LRRC28: variants seen among roughly 807,000 people sequenced by gnomAD.
LRRC28 encodes the protein leucine rich repeat containing 28.
LRRC28 carries 39 observed loss-of-function variants against 45.7 expected under a neutral mutation model. That is an observed-to-expected ratio of 0.85 (90% CI 0.66 to 1.12). LRRC28 has a LOEUF of 1.12. Ranked by LOEUF, LRRC28 falls within the 50% of genes most tolerant of loss-of-function variation. LRRC28 has a pLI of 0.00. For missense variants in LRRC28, 435 were observed against 438.5 expected (o/e 0.99, Z 0.07); for synonymous variants, 206 against 178.8 (o/e 1.15, Z -1.22).
chr15:99,294,574 G>C (rs2082214869), intron 5 of LRRC28, among the ~76,000 whole-genome samples: 8 of 152,182 alleles, frequency 5.3e-5, no homozygotes, highest in Admixed American at 5.2e-4. Context: ...GGTGCCAGCA[G>C]ATCTGGTGAG....
At chr15:99,263,834 T>TG (rs1281061060) in intron 2 of LRRC28, among the ~76,000 whole-genome samples, 1 of 152,066 alleles carries the variant, frequency 6.6e-6, no homozygotes, top group Admixed American at 6.5e-5. Flanking sequence ...TTCAAGACAC[T>TG]GACAATAGAT....
At chr15:99,313,878 A>G (rs1303563568) in intron 5 of LRRC28, among the ~76,000 whole-genome samples, 1 of 152,080 alleles carries the variant, frequency 6.6e-6, no homozygotes, top group East Asian at 1.9e-4. Context: ...CTGTTTTGAT[A>G]AACTGCTATT....
At chr15:99,264,312 A>G (rs532241054) in intron 2 of LRRC28, among the ~76,000 whole-genome samples, 1 of 152,362 alleles carries the variant, frequency 6.6e-6, no homozygotes, top group Admixed American at 6.5e-5. Flanking sequence ...CTATTTCTAC[A>G]TAAGGAAAGG....
chr15:99,350,098 T>TGCAGTCC (rs1487692215), intron 6 of LRRC28, among the ~76,000 whole-genome samples: 2 of 143,728 alleles, frequency 1.4e-5, no homozygotes, highest in African/African-American at 2.6e-5. Context: ...ATTGCGCCAC[T>TGCAGTCC]GCAGTCCGCA....
In LRRC28 at chr15:99,380,712, C is replaced by T. The variant is rs565431480; in HGVS notation, c.1032-5318C>T. 2.6e-5 allele frequency among the ~76,000 whole-genome samples: 4 copies of T among 152,248 alleles called. No homozygotes were observed. In the East Asian group the frequency reaches 7.7e-4, roughly 29 times the overall value. On this transcript the variant is annotated intron_variant, in intron 9 of 9. Coordinates refer to ENST00000301981, the MANE Select transcript of LRRC28 (RefSeq NM_144598.5). ...ATGTTTAGTGCTTCCTTCAGGAGCT[C>T]TTGTAGGGCAGGCCTGGTGGTGACA...
intron 2 of LRRC28, among the ~76,000 whole-genome samples, chr15:99,268,003 TAAG>T (rs1255480530): frequency 2.0e-5 from 3 of 152,204 alleles, no homozygotes; most frequent in African/African-American, 7.2e-5. Context: ...TTGAGGAAAC[TAAG>T]AAGAGGATAA....
intron 7 of LRRC28, among the ~76,000 whole-genome samples, chr15:99,355,017 CAGAG>C (rs1402483220): frequency 6.6e-6 from 1 of 152,154 alleles, no homozygotes; most frequent in African/African-American, 2.4e-5. Context: ...ATTCACATCT[CAGAG>C]GGAGAATAGA....
intron 5 of LRRC28, among the ~76,000 whole-genome samples, chr15:99,299,963 A>C (rs1468984810): frequency 6.6e-6 from 1 of 152,166 alleles, no homozygotes; most frequent in East Asian, 1.9e-4. Context: ...TGTCTGATCT[A>C]CTTCTTAGCT....
At chr15:99,280,385 A>G (rs2152187457) in intron 3 of LRRC28, among the ~76,000 whole-genome samples, 1 of 151,854 alleles carries the variant, frequency 6.6e-6, no homozygotes, top group Admixed American at 6.6e-5. Context: ...TAGGTCCCAA[A>G]GACTCTCTCC....
intron 5 of LRRC28, among the ~76,000 whole-genome samples, chr15:99,325,700 A>G (rs888955909): frequency 6.6e-6 from 1 of 152,228 alleles, no homozygotes; most frequent in African/African-American, 2.4e-5. Context: ...TTCCATGAAC[A>G]TGTGTATTAC....
intron 2 of LRRC28, among the ~76,000 whole-genome samples, chr15:99,264,798 A>T (rs564916558): frequency 1.3e-5 from 2 of 152,222 alleles, no homozygotes. Context: ...GTAAATGCTG[A>T]TAGGAAATTC....
At chr15:99,342,024 A>G (rs1469086587) in intron 6 of LRRC28, among the ~76,000 whole-genome samples, 2 of 152,312 alleles carry the variant, frequency 1.3e-5, no homozygotes, top group Admixed American at 1.3e-4. Flanking sequence ...CAGCCATGGC[A>G]GTGTTGTATT....
chr15:99,267,419 T>C (rs2081361131), intron 2 of LRRC28, among the ~76,000 whole-genome samples: 2 of 152,172 alleles, frequency 1.3e-5, no homozygotes, highest in African/African-American at 4.8e-5. Flanking sequence ...TTAAGTTTTG[T>C]TATTAGTTTG....
chr15:99,263,292 C>T (rs1223380831), intron 2 of LRRC28, among the ~76,000 whole-genome samples: 1 of 142,704 alleles, frequency 7.0e-6, no homozygotes, highest in Non-Finnish European at 1.5e-5. Flanking sequence ...CCACGCCAGC[C>T]TGGGTGACAA....
chr15:99,262,112 CAAAA>C (rs1032299868), intron 2 of LRRC28, among the ~76,000 whole-genome samples: 20 of 151,962 alleles, frequency 1.3e-4, no homozygotes, highest in African/African-American at 4.6e-4. Flanking sequence ...TTTTTAATAA[CAAAA>C]AATCATACAT....
At chr15:99,326,928 T>G (rs1460249613) in intron 5 of LRRC28, among the ~76,000 whole-genome samples, 1 of 152,220 alleles carries the variant, frequency 6.6e-6, no homozygotes, top group African/African-American at 2.4e-5. Flanking sequence ...TCCTCCTGTT[T>G]TCTGAGACAG....
chr15:99,319,753 A>G (rs1955730641), intron 5 of LRRC28, among the ~76,000 whole-genome samples: 1 of 151,984 alleles, frequency 6.6e-6, no homozygotes, highest in Admixed American at 6.6e-5. Context: ...TTTAAATCAA[A>G]TTCATTTTTC....
At chr15:99,360,037 T>C (rs970265329) in intron 7 of LRRC28, among the ~76,000 whole-genome samples, 3 of 152,062 alleles carry the variant, frequency 2.0e-5, no homozygotes, top group African/African-American at 7.2e-5. Flanking sequence ...CATACTGTGG[T>C]CAGATATTTG....
chr15:99,263,356 G>A (rs901215322), intron 2 of LRRC28, among the ~76,000 whole-genome samples: 6 of 149,862 alleles, frequency 4.0e-5, no homozygotes, highest in African/African-American at 1.5e-4. Flanking sequence ...TAAGAAACAT[G>A]ATTTTGCTTC....
Sources: allele counts gnomAD v4.1 joint callset (sites outside exome capture counted in the v4.1 genomes callset), GRCh38; gene constraint gnomAD v4.1.1; transcripts MANE v1.5; gene names NCBI Gene and HGNC (gene_info 2026-07-23, HGNC 2026-07-21).